ZMYM2: variants seen among roughly 807,000 people sequenced by gnomAD.
ZMYM2 encodes the protein zinc finger MYM-type protein 2.
ZMYM2 carries 56 observed loss-of-function variants against 162.8 expected under a neutral mutation model. The observed-to-expected ratio is 0.34, with a 90% CI of 0.28 to 0.43. ZMYM2 has a LOEUF of 0.43. ZMYM2 is among the 20% of genes least tolerant of loss of function. ZMYM2 has a pLI of 1.00. For synonymous variants in ZMYM2, 510 were observed against 541.6 expected (o/e 0.94, Z 0.81); for missense variants, 1,275 against 1,621.8 (o/e 0.79, Z 3.67).
chr13:19,898,935 T>C, the ZMYM2 span, among the ~76,000 whole-genome samples: 20,076 of 147,180 alleles, frequency 0.14, 1,574 homozygotes, highest in African/African-American at 0.24. Flanking sequence ...CCCACTTCTT[T>C]TTTTTTTTTT....
chr13:19,964,370 C>T (rs916625455), intron 2 of ZMYM2, among the ~76,000 whole-genome samples: 4 of 146,172 alleles, frequency 2.7e-5, no homozygotes, highest in African/African-American at 5.4e-5. Context: ...AGTGAGAGAC[C>T]GTCTCAAAAA....
intron 5 of ZMYM2, among the ~76,000 whole-genome samples, chr13:20,005,471 A>T (rs1950669002): frequency 6.6e-6 from 1 of 152,056 alleles, no homozygotes; most frequent in South Asian, 2.1e-4. Flanking sequence ...TCATTGTGTT[A>T]ATTGCCTTGT....
At chr13:20,042,835 T>C (rs1047268285) in intron 12 of ZMYM2, among the ~76,000 whole-genome samples, 14 of 152,308 alleles carry the variant, frequency 9.2e-5, no homozygotes, top group African/African-American at 3.4e-4. Context: ...GTGATTGTCC[T>C]GCCTCAGCTT....
At chr13:20,060,952 T>G (rs1956182236) in intron 16 of ZMYM2, 101 bp from the exon 17 acceptor site, 1 of 1,118,830 alleles carries the variant, frequency 8.9e-7, no homozygotes, top group African/African-American at 1.6e-5. Flanking sequence ...TTTTATCCAG[T>G]GTGATATTAC....
intron 19 of ZMYM2, among the ~76,000 whole-genome samples, chr13:20,065,874 CA>C (rs1956635219): frequency 6.6e-6 from 1 of 152,072 alleles, no homozygotes; most frequent in African/African-American, 2.4e-5. Context: ...CTTAAAAAAA[CA>C]AAAATAAAAC....
Position 20,087,809 on chromosome 13 carries a change from C to T in ZMYM2, c.*1795C>T, listed in dbSNP as rs1293746363. ...AATAGATTGCTGATTGTCTATTTAA[C>T]GAAGACAAGTGGGTAACATTTAAAA... On this transcript the variant is annotated 3_prime_UTR_variant, in exon 25 of 25. Transcript: ENST00000610343. 3 of 186,770 alleles carry T rather than the reference C, an allele frequency of 1.6e-5. No homozygotes were observed. The highest frequency in any genetic ancestry group is 2.3e-5 in the African/African-American group (1 of 42,740). The allele number at this position is 186,770 out of a possible 1,614,324, so 11.6% of individuals were successfully genotyped here.
intron 2 of ZMYM2, among the ~76,000 whole-genome samples, chr13:19,990,427 T>G (rs1949511382): frequency 6.6e-6 from 1 of 152,226 alleles, no homozygotes; most frequent in African/African-American, 2.4e-5. Flanking sequence ...GAAGCTGTTT[T>G]CTTTGCCTGG....
chr13:19,906,283 A>AGT, the ZMYM2 span, among the ~76,000 whole-genome samples: 5 of 17,028 alleles, frequency 2.9e-4, no homozygotes, highest in African/African-American at 8.8e-4. Context: ...CTCAAAAAAA[A>AGT]GTATATATAT....
At chr13:20,038,803 T>G (rs556352142) in intron 12 of ZMYM2, among the ~76,000 whole-genome samples, 28 of 152,158 alleles carry the variant, frequency 1.8e-4, no homozygotes, top group South Asian at 4.1e-4. Flanking sequence ...TTTTTTTTTT[T>G]TTGTTCTGTG....
At chr13:19,883,015 G>A in the ZMYM2 span, among the ~76,000 whole-genome samples, 4 of 152,086 alleles carry the variant, frequency 2.6e-5, no homozygotes, top group Non-Finnish European at 5.9e-5. Flanking sequence ...ATCCATTAAT[G>A]GACGAAAGGA....
intron 2 of ZMYM2, among the ~76,000 whole-genome samples, chr13:19,966,142 G>A (rs1219726936): frequency 7.1e-6 from 1 of 141,496 alleles, no homozygotes; most frequent in Non-Finnish European, 1.5e-5. Context: ...GTTTTGTTTT[G>A]TTTTGTTTTG....
chr13:19,929,285 T>C, the ZMYM2 span, among the ~76,000 whole-genome samples: 8 of 151,992 alleles, frequency 5.3e-5, no homozygotes, highest in Non-Finnish European at 8.8e-5. Context: ...GTCGCCCAGG[T>C]TGGAGTGCAG....
At chr13:20,070,203 G>C (rs187118455) in intron 21 of ZMYM2, 223 of 156,238 alleles carry the variant, frequency 1.4e-3, no homozygotes, top group Non-Finnish European at 2.4e-3. Context: ...GCTTCTGCTT[G>C]TTTAGCCTTT....
At chr13:19,876,752 ACTTTT>A in the ZMYM2 span, among the ~76,000 whole-genome samples, 7 of 152,262 alleles carry the variant, frequency 4.6e-5, 1 homozygote, top group East Asian at 3.9e-4. Context: ...CATTTTCAGA[ACTTTT>A]CTTATCTTGC....
intron 12 of ZMYM2, among the ~76,000 whole-genome samples, chr13:20,043,458 G>A (rs1036410400): frequency 6.6e-6 from 1 of 152,158 alleles, no homozygotes; most frequent in Non-Finnish European, 1.5e-5. Context: ...TGGCTAGGGG[G>A]TGGAGTGGGG....
At chr13:19,904,877 A>G in the ZMYM2 span, among the ~76,000 whole-genome samples, 1 of 152,288 alleles carries the variant, frequency 6.6e-6, no homozygotes, top group East Asian at 1.9e-4. Context: ...ATTCCTTTTT[A>G]AGCAGAATAA....
rs1370182227 is a variant in ZMYM2, at chr13:20,066,911, GA to G, written c.3195del (p.Glu1065AspfsTer12). 6.2e-7 allele frequency: 1 copy of G among 1,613,388 alleles called. No homozygotes were observed. The highest frequency in any genetic ancestry group is 1.7e-5 in the Admixed American group (1 of 59,940). ...TCATGATGATAGTTCTGACAATTCA[GA>G]ATGCAGCTTTCCTTTCAAATATACG... ...QSHDDSSDNSECSFPFKYTYG... is the reference protein window; with the variant it reads ...QSHDDSSDNSXCSFPFKYTYG... On this transcript the variant is annotated frameshift_variant, in exon 20 of 25. Transcript: ENST00000610343. LOFTEE classifies it high-confidence loss of function.
intron 6 of ZMYM2, among the ~76,000 whole-genome samples, chr13:20,017,060 T>C (rs1951690569): frequency 6.6e-6 from 1 of 152,258 alleles, no homozygotes; most frequent in African/African-American, 2.4e-5. Flanking sequence ...ACATCAGTCT[T>C]GGCCTCTTTA....
At chr13:19,958,633 C>T (rs1230982707), upstream of ZMYM2, 1 of 152,214 alleles carries the variant, frequency 6.6e-6, no homozygotes, top group African/African-American at 2.4e-5. Context: ...ATGGGCGTGC[C>T]CGAAGCGCTC....
Sources: allele counts gnomAD v4.1 joint callset (sites outside exome capture counted in the v4.1 genomes callset), GRCh38; gene constraint gnomAD v4.1.1; transcripts MANE v1.5; gene names NCBI Gene and HGNC (gene_info 2026-07-23, HGNC 2026-07-21).